LRRC28: variants seen among roughly 807,000 people sequenced by gnomAD.
LRRC28 encodes leucine rich repeat containing 28, also known as leucine-rich repeat-containing protein 28.
LRRC28 carries 39 observed loss-of-function variants against 45.7 expected under a neutral mutation model. The observed-to-expected ratio is 0.85, with a 90% CI of 0.66 to 1.12. The LOEUF (loss-of-function observed/expected upper bound fraction) is 1.12, where lower values mean the gene tolerates loss of function less well. Among genes scored for constraint, LRRC28 ranks in the 50% most tolerant of loss-of-function variants. LRRC28 has a pLI of 0.00. For synonymous variants in LRRC28, 206 were observed against 178.8 expected (o/e 1.15, Z -1.22); for missense variants, 435 against 438.5 (o/e 0.99, Z 0.07).
chr15:99,279,952 G>A (rs965234546), intron 3 of LRRC28, among the ~76,000 whole-genome samples: 1 of 152,054 alleles, frequency 6.6e-6, no homozygotes, highest in African/African-American at 2.4e-5. Flanking sequence ...TTGTTCCAGC[G>A]TCCGCACATC....
chr15:99,356,638 G>A (rs928960095), intron 7 of LRRC28, among the ~76,000 whole-genome samples: 1 of 152,172 alleles, frequency 6.6e-6, no homozygotes, highest in Admixed American at 6.5e-5. Context: ...TAACAAACAT[G>A]TTTGAAGAAA....
At chr15:99,294,221 C>T (rs1219723055) in intron 5 of LRRC28, among the ~76,000 whole-genome samples, 1 of 151,976 alleles carries the variant, frequency 6.6e-6, no homozygotes, top group Non-Finnish European at 1.5e-5. Context: ...TGGCAAGTTT[C>T]CTTTTATTAA....
chr15:99,337,790 A>G (rs1327810525), intron 6 of LRRC28: 1 of 152,282 alleles, frequency 6.6e-6, no homozygotes, highest in African/African-American at 2.4e-5. Flanking sequence ...TCTGGGCACC[A>G]TCCTGGCTCA....
chr15:99,311,676 T>A (rs1484835865), intron 5 of LRRC28, among the ~76,000 whole-genome samples: 1 of 152,198 alleles, frequency 6.6e-6, no homozygotes, highest in East Asian at 1.9e-4. Flanking sequence ...ATTTAAAAAT[T>A]TTAAAGAGTA....
chr15:99,303,835 A>C (rs1372226207), intron 5 of LRRC28, among the ~76,000 whole-genome samples: 1 of 54,404 alleles, frequency 1.8e-5, no homozygotes, highest in Non-Finnish European at 3.3e-5. Context: ...ACTCCATTGC[A>C]AAAAAAAAAA....
chr15:99,256,573 G>A lies in LRRC28; in HGVS notation c.168+448G>A, dbSNP rs1385930347. On this transcript the variant is annotated intron_variant, in intron 2 of 9. Coordinates refer to ENST00000301981, the MANE Select transcript of LRRC28 (RefSeq NM_144598.5). The stretch of plus-strand genomic sequence containing the variant: ...AATGATTTGAAAATTAAAGCATTAA[G>A]AGATGCACTTGGGAAGCTTAATGTA... Among the ~76,000 whole-genome samples the A allele has an allele frequency of 2.6e-5, 4 of 152,358 alleles. No individual in the cohort carries two copies. The East Asian group carries it at 7.7e-4, about 29-fold the overall frequency.
intron 7 of LRRC28, among the ~76,000 whole-genome samples, chr15:99,356,894 T>TAA (rs1200785654): frequency 2.0e-5 from 3 of 152,232 alleles, no homozygotes; most frequent in African/African-American, 7.2e-5. Flanking sequence ...CTACATTTTA[T>TAA]AAGTGCTAAA....
Position 99,341,081 on chromosome 15 carries a change from G to A in LRRC28, c.592+6952G>A, listed in dbSNP as rs555280558. Among the ~76,000 whole-genome samples the A allele has an allele frequency of 3.9e-5, 5 of 127,056 alleles. 1 individual carries two copies. The South Asian group carries it at 1.3e-3, about 33-fold the overall frequency. 83.4% of individuals were successfully genotyped at this position (127,056 alleles called of 152,430 possible). A position where few individuals can be genotyped will look rare whatever the true frequency, so the allele number is the denominator to read the frequency against. Reference sequence around the variant, plus strand: ...CTTACTCATCTGATCCTATTCTACTGTCTTTTTTTTTTTTTTTTTTTTTTT... The same window carrying A: ...CTTACTCATCTGATCCTATTCTACTATCTTTTTTTTTTTTTTTTTTTTTTT... On this transcript the variant is annotated intron_variant, in intron 6 of 9. Coordinates refer to ENST00000301981, the MANE Select transcript of LRRC28 (RefSeq NM_144598.5).
rs187229721 is a variant in LRRC28 at position 99,342,945 on chromosome 15, A to G, written c.592+8816A>G. ...GTATTTAAAGAAGCTAGCACTTAAAAATTTATTACTCTGAGAAAGTGGTTG... is the reference window on the plus strand; with the variant it reads ...GTATTTAAAGAAGCTAGCACTTAAAGATTTATTACTCTGAGAAAGTGGTTG... On this transcript the variant is annotated intron_variant, in intron 6 of 9. Coordinates refer to ENST00000301981, the MANE Select transcript of LRRC28 (RefSeq NM_144598.5). 2.2e-3 allele frequency among the ~76,000 whole-genome samples: 337 copies of G among 152,344 alleles called. 2 individuals are homozygous for G. Among genetic ancestry groups the G allele is most frequent in the Non-Finnish European group, 3.5e-3 (236 of 68,032 alleles).
chr15:99,363,467 T>G, intron 9 of LRRC28: 1 of 523,622 alleles, frequency 1.9e-6, no homozygotes, highest in Non-Finnish European at 3.3e-6. Flanking sequence ...TTTGGTCATG[T>G]GCTGGACAGT....
chr15:99,372,233 T>C (rs1957504443), intron 9 of LRRC28, among the ~76,000 whole-genome samples: 1 of 152,218 alleles, frequency 6.6e-6, no homozygotes, highest in African/African-American at 2.4e-5. Flanking sequence ...GCCAACAGCA[T>C]TGTGATTCGT....
chr15:99,370,359 T>C (rs1957450078), intron 9 of LRRC28, among the ~76,000 whole-genome samples: 1 of 152,218 alleles, frequency 6.6e-6, no homozygotes, highest in South Asian at 2.1e-4. Context: ...ACTTTCGAAA[T>C]ATATGTGTAT....
At chr15:99,271,419 C>T (rs1174505969) in intron 2 of LRRC28, among the ~76,000 whole-genome samples, 1 of 151,004 alleles carries the variant, frequency 6.6e-6, no homozygotes, top group Non-Finnish European at 1.5e-5. Context: ...GCTAGGACTA[C>T]AGGTGTGTGC....
At chr15:99,334,645 A>T (rs374632657) in intron 6 of LRRC28, among the ~76,000 whole-genome samples, 1 of 152,212 alleles carries the variant, frequency 6.6e-6, no homozygotes, top group African/African-American at 2.4e-5. Context: ...ATAATATATT[A>T]TCCACTGTAG....
intron 5 of LRRC28, among the ~76,000 whole-genome samples, chr15:99,301,888 G>A (rs1954982830): frequency 1.3e-5 from 2 of 151,320 alleles, no homozygotes; most frequent in Admixed American, 6.6e-5. Context: ...TTATCCCCAG[G>A]GCATTATCTA....
At chr15:99,384,030 A>AG (rs1957909742) in intron 9 of LRRC28, among the ~76,000 whole-genome samples, 1 of 152,220 alleles carries the variant, frequency 6.6e-6, no homozygotes, top group Non-Finnish European at 1.5e-5. Context: ...CGTGCCCTCC[A>AG]GGTTCCTGCT....
chr15:99,284,652 T>C, intron 3 of LRRC28: 1 of 517,926 alleles, frequency 1.9e-6, no homozygotes, highest in South Asian at 1.4e-5. Flanking sequence ...TAGCTGCTGC[T>C]GCTACTGGAA....
At chr15:99,290,208 G>A (rs985420264) in intron 5 of LRRC28, among the ~76,000 whole-genome samples, 4 of 150,384 alleles carry the variant, frequency 2.7e-5, no homozygotes, top group Admixed American at 1.3e-4. Flanking sequence ...GCAGTGAGCC[G>A]AGATTGCACC....
chr15:99,304,935 G>A (rs542066567), intron 5 of LRRC28, among the ~76,000 whole-genome samples: 3 of 152,012 alleles, frequency 2.0e-5, no homozygotes, highest in East Asian at 1.9e-4. Context: ...CTCTCATTTT[G>A]TTGGGCCTCC....
Sources: allele counts gnomAD v4.1 joint callset (sites outside exome capture counted in the v4.1 genomes callset), GRCh38; gene constraint gnomAD v4.1.1; transcripts MANE v1.5; gene names NCBI Gene and HGNC (gene_info 2026-07-23, HGNC 2026-07-21).